The following KANSL2 variants were observed in gnomAD, a reference collection of about 807,000 sequenced individuals.
KANSL2 encodes NSL complex protein NSL2.
A neutral mutation model predicts 55.6 loss-of-function variants in KANSL2; 34 were observed. That is an observed-to-expected ratio of 0.61 (90% CI 0.46 to 0.81). The LOEUF (loss-of-function observed/expected upper bound fraction) is 0.81, where lower values mean the gene tolerates loss of function less well. KANSL2 is among the 40% of genes least tolerant of loss of function. The pLI, the probability that KANSL2 is intolerant of heterozygous loss-of-function variation, is 0.00. For synonymous variants in KANSL2, 209 were observed against 214.3 expected (o/e 0.98, Z 0.22); for missense variants, 502 against 609.9 (o/e 0.82, Z 1.86).
intron 7 of KANSL2, among the ~76,000 whole-genome samples, chr12:48,664,753 T>G (rs528162603): frequency 5.9e-5 from 9 of 151,640 alleles, no homozygotes; most frequent in Non-Finnish European, 1.2e-4. Context: ...GCTAGTTTTT[T>G]TTGTATTTTT....
At chr12:48,662,211 TCTC>T (rs1015303475) in intron 7 of KANSL2, among the ~76,000 whole-genome samples, 2 of 152,174 alleles carry the variant, frequency 1.3e-5, no homozygotes, top group African/African-American at 4.8e-5. Context: ...TTCAAGAGAT[TCTC>T]CTGCCGCAGA....
At chr12:48,675,086 G>C (rs1939795991) in intron 4 of KANSL2, among the ~76,000 whole-genome samples, 1 of 151,396 alleles carries the variant, frequency 6.6e-6, no homozygotes, top group Non-Finnish European at 1.5e-5. Context: ...CAGAAAATGT[G>C]AAAAGGCTTT....
At chr12:48,678,029 T>C (rs911650534) in intron 4 of KANSL2, among the ~76,000 whole-genome samples, 4 of 152,124 alleles carry the variant, frequency 2.6e-5, no homozygotes, top group Non-Finnish European at 4.4e-5. Context: ...CCTCCTCTGA[T>C]CTCAGAAGCT....
At chr12:48,657,764 G>A (rs984626515) in intron 8 of KANSL2, among the ~76,000 whole-genome samples, 6 of 152,116 alleles carry the variant, frequency 3.9e-5, no homozygotes, top group African/African-American at 7.2e-5. Flanking sequence ...TTACAGGCGC[G>A]TGCCACCACA....
chr12:48,668,462 T>A (rs1175244313), intron 6 of KANSL2, among the ~76,000 whole-genome samples: 1 of 152,144 alleles, frequency 6.6e-6, no homozygotes, highest in African/African-American at 2.4e-5. Context: ...GTGCAAAAAG[T>A]CAGATTTCAG....
In KANSL2 at chr12:48,671,952, C is replaced by T. The variant is rs773762811; in HGVS notation, c.556G>A (p.Val186Ile). Reference protein sequence around the residue: ...DQEDPLKHAGVYTAEEVALIM... With the variant: ...DQEDPLKHAGIYTAEEVALIM... ...AGGGCCACTTCTTCTGCTGTGTAGA[C>T]ACCAGCATGTCTGGAATAAAACAGA... Residue 186 changes from valine (V) to isoleucine (I), a missense_variant, in exon 5 of 10, where the codon GTC (valine) becomes ATC (isoleucine). Transcript: ENST00000420613. 7.6e-6 allele frequency: 12 copies of T among 1,573,408 alleles called. No individual in the cohort carries two copies. The Admixed American group carries it at 1.5e-4, about 20-fold the overall frequency.
chr12:48,670,317 CTATT>C (rs1268302813), intron 5 of KANSL2, among the ~76,000 whole-genome samples: 1 of 151,734 alleles, frequency 6.6e-6, no homozygotes, highest in African/African-American at 2.4e-5. Context: ...GTACTCCACT[CTATT>C]TATTAAAAAA....
chr12:48,665,835 T>C lies in KANSL2; in HGVS notation c.973+1858A>G, dbSNP rs919065190. Among the ~76,000 whole-genome samples, 4 of 152,138 alleles carry C rather than the reference T, an allele frequency of 2.6e-5. No homozygotes were observed. The South Asian group carries it at 8.3e-4, about 32-fold the overall frequency. Reference sequence around the variant, plus strand: ...GAAAAGAAGAAAAAAAGCATCTCATTTTTGGAAATAGCAAACTTCTAATTT... The same window carrying C: ...GAAAAGAAGAAAAAAAGCATCTCATCTTTGGAAATAGCAAACTTCTAATTT... On this transcript the variant is annotated intron_variant, in intron 7 of 9. Transcript: ENST00000420613.
rs553222449 is a variant in KANSL2, at chr12:48,679,813, T to C, written c.272A>G (p.His91Arg). 6.2e-7 allele frequency: 1 copy of C among 1,604,860 alleles called. No individual in the cohort carries two copies. The highest frequency in any genetic ancestry group is 1.3e-5 in the African/African-American group (1 of 74,818). Residue 91 changes from histidine (H) to arginine (R), a missense_variant, in exon 3 of 10, where the codon CAT becomes CGT. Coordinates refer to ENST00000420613, the MANE Select transcript of KANSL2 (RefSeq NM_017822.4). ...AAGTGCCAGGGCATTCCTACGGACA[T>C]GTTCAGCACAGAAGGACACCCTGAA... ...KKDGVSFCAE[H>R]VRRNALALHA...
At chr12:48,661,144 T>C in intron 7 of KANSL2, 1 of 534,336 alleles carries the variant, frequency 1.9e-6, no homozygotes, top group Non-Finnish European at 2.4e-6. Flanking sequence ...AACAGAGCTC[T>C]AGTAAAAGTC....
intron 7 of KANSL2, chr12:48,662,448 C>G: frequency 1.9e-6 from 2 of 1,037,694 alleles, no homozygotes; most frequent in Middle Eastern, 5.6e-4. Flanking sequence ...TCACAAGTCT[C>G]TTATGTATTT....
intron 4 of KANSL2, among the ~76,000 whole-genome samples, chr12:48,672,587 C>T (rs770206912): frequency 1.3e-5 from 2 of 151,162 alleles, no homozygotes; most frequent in African/African-American, 4.9e-5. Context: ...TGCACCACCC[C>T]ACTTGGTTAA....
At chr12:48,666,144 A>C (rs1237377357) in intron 7 of KANSL2, among the ~76,000 whole-genome samples, 2 of 152,110 alleles carry the variant, frequency 1.3e-5, no homozygotes, top group African/African-American at 2.4e-5. Context: ...AGCCCAGCAG[A>C]TCACGGCAGT....
chr12:48,675,399 C>T (rs1309999069), intron 4 of KANSL2, among the ~76,000 whole-genome samples: 1 of 152,114 alleles, frequency 6.6e-6, no homozygotes, highest in African/African-American at 2.4e-5. Context: ...AGTGAGAGTC[C>T]GTCTCAAAAA....
chr12:48,663,316 AGAAG>A (rs2137182690), intron 7 of KANSL2, among the ~76,000 whole-genome samples: 1 of 152,374 alleles, frequency 6.6e-6, no homozygotes, highest in African/African-American at 2.4e-5. Context: ...GGCAATATTT[AGAAG>A]GGTCAATTTC....
intron 5 of KANSL2, among the ~76,000 whole-genome samples, chr12:48,670,251 C>T (rs535214502): frequency 6.7e-6 from 1 of 150,054 alleles, no homozygotes; most frequent in African/African-American, 2.4e-5. Context: ...ACCTAATACT[C>T]GATAATAAAC....
chr12:48,664,216 T>C (rs569473093), intron 7 of KANSL2, among the ~76,000 whole-genome samples: 150 of 151,648 alleles, frequency 9.9e-4, no homozygotes, highest in African/African-American at 3.5e-3. Context: ...TGCCCGGCCC[T>C]ATTAGCCTTT....
At chr12:48,662,322 C>T (rs927761018) in intron 7 of KANSL2, among the ~76,000 whole-genome samples, 7 of 152,186 alleles carry the variant, frequency 4.6e-5, no homozygotes, top group Non-Finnish European at 1.0e-4. Flanking sequence ...CCAGGCTGGT[C>T]TCTAACTCCT....
Position 48,681,357 on chromosome 12 carries a change from GACATATATATCTAT to G in KANSL2, c.251+11_251+24del, listed in dbSNP as rs1939922520. 2 of 1,572,920 alleles carry G rather than the reference GACATATATATCTAT, an allele frequency of 1.3e-6. No homozygotes were observed. Among genetic ancestry groups the G allele is most frequent in the Non-Finnish European group, 1.7e-6 (2 of 1,160,296 alleles). On this transcript the variant is annotated intron_variant, in intron 2 of 9. Coordinates refer to ENST00000420613, the MANE Select transcript of KANSL2 (RefSeq NM_017822.4). ...CATACCCCCTCGCTTTAAGAAAAACGACATATATATCTATACATATATACCCATCTTTCTTCTCT... is the reference window on the plus strand; with the variant it reads ...CATACCCCCTCGCTTTAAGAAAAACGACATATATACCCATCTTTCTTCTCT...
Sources: gnomAD v4.1 joint callset for allele counts (sites outside exome capture counted in the v4.1 genomes callset) on GRCh38, gnomAD v4.1.1 for gene constraint, MANE v1.5 for transcripts, NCBI Gene and HGNC (gene_info 2026-07-23, HGNC 2026-07-21) for gene names.